Variants in SCAP observed in about 807,000 individuals in gnomAD.
SCAP encodes SREBF chaperone, also known as sterol regulatory element-binding protein cleavage-activating protein.
SCAP carries 65 observed loss-of-function variants against 123.6 expected under a neutral mutation model. That is an observed-to-expected ratio of 0.53 (90% confidence interval 0.43 to 0.65). The LOEUF is 0.65. Ranked by LOEUF, SCAP falls within the 30% of genes least tolerant of loss-of-function variation. The pLI is 0.00. For missense variants in SCAP, 1,398 were observed against 1,712.5 expected, an observed-to-expected ratio of 0.82 and a Z score of 3.24; for synonymous variants, 740 against 726.3, an observed-to-expected ratio of 1.02 and a Z score of -0.30.
intron 1 of SCAP, among the ~76,000 whole-genome samples, chr3:47,463,321 A>G (rs1226201279): frequency 1.3e-5 from 2 of 152,222 alleles, no homozygotes; most frequent in African/African-American, 4.8e-5. Flanking sequence ...TGGGGACAGC[A>G]GGAATGCCTC....
intron 2 of SCAP, among the ~76,000 whole-genome samples, chr3:47,437,921 T>C (rs1241931120): frequency 6.6e-6 from 1 of 152,222 alleles, no homozygotes; most frequent in Non-Finnish European, 1.5e-5. Flanking sequence ...GCTTAGTAGA[T>C]GATACCAAAC....
chr3:47,421,132 G>A (rs1451662133), intron 10 of SCAP, 103 bp from the exon 11 acceptor site: 3 of 878,796 alleles, frequency 3.4e-6, no homozygotes, highest in Non-Finnish European at 5.8e-6. Context: ...CGGCAGGGCA[G>A]CAGCAGGCAG....
At chr3:47,414,765 T>G in intron 20 of SCAP, 62 bp downstream of exon 20, 1 of 1,602,368 alleles carries the variant, frequency 6.2e-7, no homozygotes, top group Non-Finnish European at 8.5e-7. Flanking sequence ...CCCTGACGAA[T>G]GCATCAGGCT....
At chr3:47,421,593 C>T (rs1705902569) in intron 10 of SCAP, among the ~76,000 whole-genome samples, 1 of 152,262 alleles carries the variant, frequency 6.6e-6, no homozygotes, top group Non-Finnish European at 1.5e-5. Flanking sequence ...ACCTCTAGCA[C>T]ATCACCACAG....
intron 1 of SCAP, among the ~76,000 whole-genome samples, chr3:47,447,376 G>C (rs903956334): frequency 6.6e-6 from 1 of 152,008 alleles, no homozygotes; most frequent in Non-Finnish European, 1.5e-5. Context: ...CTAGGTGACA[G>C]ACTGTGACTC....
At chr3:47,425,254 G>T in intron 8 of SCAP, 1 of 510,226 alleles carries the variant, frequency 2.0e-6, no homozygotes, top group African/African-American at 1.9e-5. Context: ...CCACAAATAT[G>T]CACTTTTGTA....
At chr3:47,459,385 T>C (rs1707542882) in intron 1 of SCAP, among the ~76,000 whole-genome samples, 1 of 152,220 alleles carries the variant, frequency 6.6e-6, no homozygotes, top group African/African-American at 2.4e-5. Flanking sequence ...AAATGGGAGA[T>C]GTGACGAGTC....
intron 2 of SCAP, among the ~76,000 whole-genome samples, chr3:47,435,753 T>C (rs1357460808): frequency 2.0e-5 from 3 of 152,128 alleles, no homozygotes; most frequent in Non-Finnish European, 4.4e-5. Context: ...TATAACATTA[T>C]ATTAATATTT....
intron 1 of SCAP, among the ~76,000 whole-genome samples, chr3:47,455,731 C>A (rs546044257): frequency 2.6e-5 from 4 of 152,172 alleles, no homozygotes; most frequent in African/African-American, 9.6e-5. Context: ...CAAAGTGTCA[C>A]TCTTCCTACA....
chr3:47,472,383 G>A (rs1291290207), intron 1 of SCAP, among the ~76,000 whole-genome samples: 1 of 150,130 alleles, frequency 6.7e-6, no homozygotes, highest in Non-Finnish European at 1.5e-5. Context: ...GCAGTGAGCC[G>A]AGATTGCGCC....
rs947474581 is a variant in SCAP, at chr3:47,420,353, C to A, written c.1563+201G>T. On this transcript the variant is annotated intron_variant, in intron 12 of 22. Coordinates refer to ENST00000265565, the MANE Select transcript of SCAP (RefSeq NM_012235.4). This position sits in a 1 kb window ranked among gnomAD's most constrained non-coding sequence, Gnocchi z 5.0. ...GTACCTGAGAACCCTGGAGCTGCTT[C>A]TCCCACAGGCTTATCTCCTCAGAAG... 3.3e-5 allele frequency among the ~76,000 whole-genome samples: 5 copies of A among 152,330 alleles called. No individual in the cohort carries two copies. In the East Asian group the frequency reaches 9.7e-4, roughly 29 times the overall value.
Position 47,417,369 on chromosome 3 carries a change from A to G in SCAP, c.2905T>C (p.Ser969Pro). The G allele has an allele frequency of 6.2e-7, 1 of 1,607,856 alleles. No individual in the cohort carries two copies. The highest frequency in any genetic ancestry group is 8.5e-7 in the Non-Finnish European group (1 of 1,178,152). Residue 969 changes from serine (S) to proline (P), a missense_variant, in exon 17 of 23, where the codon TCC (serine) becomes CCC (proline). Physicochemically the swap from Ser to Pro is moderately conservative, Grantham distance 74. Around this residue, in one of 7 missense-constraint regions of SCAP, gnomAD observed 828 missense variants for 882.5 expected, o/e 0.94. Transcript: ENST00000265565. ...SLAWAPSAEG[S>P]IWSLELQGNL... is the part of the protein sequence containing the mutation. The stretch of plus-strand genomic sequence containing the variant: ...CCCTGCAGCTCCAAGCTCCAGATGG[A>G]ACCCTCGGCACTGGGGGCCCAGGCG...
intron 1 of SCAP, among the ~76,000 whole-genome samples, chr3:47,444,495 A>T (rs1706947026): frequency 6.6e-6 from 1 of 152,168 alleles, no homozygotes; most frequent in Admixed American, 6.5e-5. Flanking sequence ...TTTTTTTGAC[A>T]TAGAATCTCA....
At chr3:47,459,128 A>T (rs1443633107) in intron 1 of SCAP, among the ~76,000 whole-genome samples, 2 of 152,188 alleles carry the variant, frequency 1.3e-5, no homozygotes, top group African/African-American at 2.4e-5. Flanking sequence ...AAAGCTAGAA[A>T]CAACTTGAGA....
chr3:47,450,082 C>G lies in SCAP; in HGVS notation c.-98-6991G>C, dbSNP rs1707186554. Among the ~76,000 whole-genome samples, 4 of 125,542 alleles carry G rather than the reference C, an allele frequency of 3.2e-5. 2 individuals carry two copies. The South Asian group carries it at 1.2e-3, about 37-fold the overall frequency. The allele number at this position is 125,542 out of a possible 152,430, so 82.4% of individuals were successfully genotyped here. On this transcript the variant is annotated intron_variant, in intron 1 of 22. Transcript: ENST00000265565. ...GCGTGATCTCGGCTCACCGCAACCTCCGCCTCCTGGGCTCAAGCAATTCTT... is the reference window on the plus strand; with the variant it reads ...GCGTGATCTCGGCTCACCGCAACCTGCGCCTCCTGGGCTCAAGCAATTCTT...
intron 1 of SCAP, among the ~76,000 whole-genome samples, chr3:47,474,114 AAGT>A (rs1465514177): frequency 1.3e-5 from 2 of 152,198 alleles, no homozygotes; most frequent in African/African-American, 4.8e-5. Flanking sequence ...AAATACAAAA[AAGT>A]AGCCGGGCAT....
chr3:47,438,908 A>C (rs1197796895), intron 2 of SCAP, among the ~76,000 whole-genome samples: 1 of 152,098 alleles, frequency 6.6e-6, no homozygotes, highest in Non-Finnish European at 1.5e-5. Flanking sequence ...TTTAGACTAT[A>C]CATGTTTTTG....
intron 3 of SCAP, among the ~76,000 whole-genome samples, chr3:47,430,909 C>T (rs1041662013): frequency 3.9e-5 from 6 of 152,210 alleles, no homozygotes; most frequent in African/African-American, 1.2e-4. Flanking sequence ...TGCAGTACTC[C>T]AGGTTACAGC....
chr3:47,413,801 A>C lies in SCAP; in HGVS notation c.*53T>G. On this transcript the variant is annotated 3_prime_UTR_variant, in exon 23 of 23. Transcript: ENST00000265565. ...TTTCCCCCAAGTCCAGGTTCAGTGC[A>C]TTGGCCCCCACACAGCACCCCAGCC... 6 of 1,574,196 alleles carry C rather than the reference A, an allele frequency of 3.8e-6. No homozygotes were observed. The highest frequency in any genetic ancestry group is 2.0e-5 in the Admixed American group (1 of 50,276).
Sources: gnomAD v4.1 joint callset for allele counts (sites outside exome capture counted in the v4.1 genomes callset) on GRCh38, gnomAD v4.1.1 for gene constraint, gnomAD v4.1.1 regional missense constraint, Gnocchi (gnomAD v3.1) non-coding constraint, MANE v1.5 for transcripts, NCBI Gene and HGNC (gene_info 2026-07-23, HGNC 2026-07-21) for gene names.